Variants in CUL2 observed in about 807,000 individuals in gnomAD.
CUL2 encodes the protein cullin-2.
In CUL2, 22 loss-of-function variants were observed where a neutral mutation model predicts 110.2. The ratio of observed to expected loss-of-function variants is 0.20; its 90% CI spans 0.14 to 0.28. The LOEUF is 0.28. Among genes scored for constraint, CUL2 ranks in the 10% least tolerant of loss-of-function variants. CUL2 has a pLI of 1.00. For missense variants in CUL2, 631 were observed against 905.5 expected, an observed-to-expected ratio of 0.70 and a Z score of 3.89; for synonymous variants, 279 against 293.2, an observed-to-expected ratio of 0.95 and a Z score of 0.49.
Position 35,063,051 on chromosome 10 carries a change from G to A in CUL2, c.131C>T (p.Ala44Val), listed in dbSNP as rs1404608195. ...TWNDRFSDIY[A>V]LCVAYPEPLG... is the part of the protein sequence containing the mutation. The stretch of plus-strand genomic sequence containing the variant: ...GGGTTCAGGATAGGCCACACATAAA[G>A]CATAGATATCTCTAGTTAAATTATT... Residue 44 changes from alanine (A) to valine (V), a missense_variant, in exon 3 of 21, where the codon GCT (alanine) becomes GTT (valine). Ala to Val is a moderately conservative substitution (Grantham distance 64, BLOSUM62 0). Around this residue, in one of 3 missense-constraint regions of CUL2, gnomAD observed 338 missense variants for 442.5 expected, o/e 0.76. Coordinates refer to ENST00000374749, the MANE Select transcript of CUL2 (RefSeq NM_003591.4). The A allele has an allele frequency of 6.4e-7, 1 of 1,563,690 alleles. No homozygotes were observed. The highest frequency in any genetic ancestry group is 8.8e-7 in the Non-Finnish European group (1 of 1,140,216).
upstream of CUL2, among the ~76,000 whole-genome samples, chr10:35,091,263 A>G (rs940670463): frequency 6.6e-6 from 1 of 152,110 alleles, no homozygotes; most frequent in African/African-American, 2.4e-5. Flanking sequence ...GGTCTTGTTC[A>G]TTTATACGAT....
chr10:35,033,378 T>C (rs770418017), intron 10 of CUL2, 105 bp from the exon 11 acceptor site: 105 of 721,362 alleles, frequency 1.5e-4, no homozygotes, highest in Non-Finnish European at 2.3e-4. Flanking sequence ...AAGGAAATTA[T>C]GTTTCACACA....
At chr10:35,068,997 T>C (rs2086611677) in intron 2 of CUL2, among the ~76,000 whole-genome samples, 1 of 152,074 alleles carries the variant, frequency 6.6e-6, no homozygotes, top group Non-Finnish European at 1.5e-5. Context: ...GCCTCCCAAG[T>C]AGCTGAGATT....
chr10:35,094,238 ATTT>A (rs112549710), upstream of CUL2, among the ~76,000 whole-genome samples: 2 of 147,560 alleles, frequency 1.4e-5, no homozygotes, highest in African/African-American at 2.5e-5. Context: ...GTCCTCGATA[ATTT>A]TTTTTTTTTT....
At chr10:35,093,292 C>T (rs891689766), upstream of CUL2, among the ~76,000 whole-genome samples, 1 of 151,992 alleles carries the variant, frequency 6.6e-6, no homozygotes, top group Admixed American at 6.6e-5. Flanking sequence ...ACTGCAATAC[C>T]TTGGTCTCGG....
At chr10:35,068,215 G>T (rs1415634251) in intron 2 of CUL2, among the ~76,000 whole-genome samples, 1 of 151,652 alleles carries the variant, frequency 6.6e-6, no homozygotes, top group Non-Finnish European at 1.5e-5. Flanking sequence ...TGAGCCCAGG[G>T]GTTCGAGACC....
intron 1 of CUL2, among the ~76,000 whole-genome samples, chr10:35,110,257 TG>T (rs1207031492): frequency 6.6e-6 from 1 of 152,152 alleles, no homozygotes; most frequent in Non-Finnish European, 1.5e-5. Context: ...TGCCACAGAC[TG>T]GGTGGATTAA....
chr10:35,071,286 T>C lies in CUL2; in HGVS notation c.32A>G (p.Asp11Gly). The change falls in exon 2 of 21, where the codon GAT becomes GGT. Residue 11 changes from aspartate to glycine, a missense_variant. This residue lies in a region of CUL2 where 338 missense variants were observed against 442.5 expected (regional missense o/e 0.76). Coordinates refer to ENST00000374749, the MANE Select transcript of CUL2 (RefSeq NM_003591.4). ...CGTCAAAAGTTTGTTCCATGTTTCA[T>C]CAAAATCTACTACTCTTGGTTTCAA... MSLKPRVVDF[D>G]ETWNKLLTTI... is the part of the protein sequence containing the mutation. 1.2e-6 allele frequency: 2 copies of C among 1,613,806 alleles called. No individual in the cohort carries two copies. The highest frequency in any genetic ancestry group is 1.7e-6 in the Non-Finnish European group (2 of 1,179,642).
At chr10:35,034,155 A>G (rs2085555638) in intron 10 of CUL2, among the ~76,000 whole-genome samples, 1 of 152,230 alleles carries the variant, frequency 6.6e-6, no homozygotes, top group Admixed American at 6.5e-5. Flanking sequence ...GTTGGATTTG[A>G]GTCTACCACA....
intron 1 of CUL2, among the ~76,000 whole-genome samples, chr10:35,077,733 C>T (rs1039512307): frequency 4.6e-5 from 7 of 151,064 alleles, no homozygotes; most frequent in African/African-American, 1.7e-4. Flanking sequence ...AGGAGAATCG[C>T]TTGAACCCAG....
At chr10:35,094,900 T>G (rs2087272797), upstream of CUL2, among the ~76,000 whole-genome samples, 1 of 152,206 alleles carries the variant, frequency 6.6e-6, no homozygotes, top group Admixed American at 6.5e-5. Context: ...CAAACAAACC[T>G]CAAATCCTAG....
chr10:35,016,658 G>A (rs1426350840), intron 17 of CUL2, among the ~76,000 whole-genome samples: 4 of 152,070 alleles, frequency 2.6e-5, no homozygotes, highest in African/African-American at 4.8e-5. Context: ...CAGGCGCAGC[G>A]GCTCACGCCT....
At chr10:35,047,781 G>T (rs1766963075) in intron 6 of CUL2, among the ~76,000 whole-genome samples, 2 of 147,552 alleles carry the variant, frequency 1.4e-5, no homozygotes, top group East Asian at 4.1e-4. Context: ...GCAGGGCGTG[G>T]TGGTGCCCAG....
intron 2 of CUL2, among the ~76,000 whole-genome samples, chr10:35,064,858 T>C (rs897932056): frequency 1.3e-5 from 2 of 152,148 alleles, no homozygotes; most frequent in African/African-American, 4.8e-5. Context: ...TGCATGTAAA[T>C]GTAAACAAAA....
chr10:35,011,798 A>G, intron 20 of CUL2, 50 bp downstream of exon 20: 1 of 927,816 alleles, frequency 1.1e-6, no homozygotes, highest in Non-Finnish European at 1.7e-6. Flanking sequence ...AATCTGTACA[A>G]TGACAATGCC....
chr10:35,035,242 A>T lies in CUL2; in HGVS notation c.932T>A (p.Met311Lys). The part of the protein sequence containing the change: ...LRAVSTGLPH[M>K]IQELQNHIHD... ...GATGTGGTTTTGCAGCTCCTGAATC[A>T]TATGAGGTAAACCAGTGGACACAGC... Residue 311 changes from methionine (M) to lysine (K), a missense_variant, in exon 10 of 21, where the codon ATG (methionine) becomes AAG (lysine). Transcript: ENST00000374749. 2 of 1,614,208 alleles carry T rather than the reference A, an allele frequency of 1.2e-6. No individual in the cohort carries two copies. The highest frequency in any genetic ancestry group is 1.7e-6 in the Non-Finnish European group (2 of 1,180,028).
chr10:35,072,723 G>C (rs1242778555), intron 1 of CUL2, among the ~76,000 whole-genome samples: 1 of 152,148 alleles, frequency 6.6e-6, no homozygotes, highest in Non-Finnish European at 1.5e-5. Context: ...ACTGCATTTA[G>C]GAATTAGCTG....
rs766324621 is a variant in CUL2, at chr10:35,044,879, G to A, written c.507-11C>T. On this transcript the variant is annotated splice_polypyrimidine_tract_variant and intron_variant, in intron 6 of 20. Coordinates refer to ENST00000374749, the MANE Select transcript of CUL2 (RefSeq NM_003591.4). ...TCTCCACCACGATCACTAAAACAAGGTATAACACAAAATATTCTTGAGAAT... is the reference window on the plus strand; with the variant it reads ...TCTCCACCACGATCACTAAAACAAGATATAACACAAAATATTCTTGAGAAT... 1 of 1,585,072 alleles carries A rather than the reference G, an allele frequency of 6.3e-7. No homozygotes were observed. The highest frequency in any genetic ancestry group is 8.6e-7 in the Non-Finnish European group (1 of 1,157,688).
intron 6 of CUL2, among the ~76,000 whole-genome samples, chr10:35,045,545 C>CAA (rs35223623): frequency 0.16 from 14,251 of 88,230 alleles, 1,149 homozygotes; most frequent in South Asian, 0.21. Context: ...AGACCCCATA[C>CAA]AAAAAAAAAA....
Sources: gnomAD v4.1 joint callset for allele counts (sites outside exome capture counted in the v4.1 genomes callset) on GRCh38, gnomAD v4.1.1 for gene constraint, gnomAD v4.1.1 regional missense constraint, MANE v1.5 for transcripts, NCBI Gene and HGNC (gene_info 2026-07-23, HGNC 2026-07-21) for gene names.